The following PTPRD variants were observed in gnomAD, a reference collection of about 807,000 sequenced individuals.
The protein encoded by PTPRD is protein tyrosine phosphatase receptor type D, also known as receptor-type tyrosine-protein phosphatase delta.
PTPRD carries 34 observed loss-of-function variants against 214.5 expected under a neutral mutation model. The ratio of observed to expected loss-of-function variants is 0.16; its 90% CI spans 0.12 to 0.21. The LOEUF (loss-of-function observed/expected upper bound fraction) is 0.21, where lower values mean the gene tolerates loss of function less well. PTPRD is among the 10% of genes least tolerant of loss of function. PTPRD has a pLI of 1.00. For synonymous variants in PTPRD, 1,128 were observed against 845.7 expected (o/e 1.33, Z -5.79); for missense variants, 2,545 against 2,398.7 (o/e 1.06, Z -1.27).
chr9:8,677,808 G>C (rs1303732660), intron 12 of PTPRD, among the ~76,000 whole-genome samples: 3 of 152,056 alleles, frequency 2.0e-5, no homozygotes, highest in Non-Finnish European at 4.4e-5. Context: ...AACAGACCCA[G>C]GCACCACAAG....
chr9:8,443,388 T>C (rs778685503), intron 34 of PTPRD, among the ~76,000 whole-genome samples: 3 of 152,250 alleles, frequency 2.0e-5, no homozygotes. Flanking sequence ...ATAGTATTAA[T>C]AGATCAGAAG....
chr9:9,494,139 A>T (rs1343198420), intron 8 of PTPRD, among the ~76,000 whole-genome samples: 3 of 152,174 alleles, frequency 2.0e-5, no homozygotes, highest in Non-Finnish European at 4.4e-5. Flanking sequence ...TCATGATAAA[A>T]CTTGAATACA....
At chr9:8,766,964 G>C (rs1599134420) in intron 11 of PTPRD, among the ~76,000 whole-genome samples, 1 of 152,128 alleles carries the variant, frequency 6.6e-6, no homozygotes, top group African/African-American at 2.4e-5. Context: ...AATGTTAAGT[G>C]AGGACTTACT....
chr9:10,402,543 G>A (rs1285513629), intron 2 of PTPRD, among the ~76,000 whole-genome samples: 1 of 151,668 alleles, frequency 6.6e-6, no homozygotes, highest in Non-Finnish European at 1.5e-5. Context: ...AAAAGTCATA[G>A]TAAAATATCT....
chr9:8,512,308 T>A (rs2097698618), intron 21 of PTPRD, among the ~76,000 whole-genome samples: 1 of 152,032 alleles, frequency 6.6e-6, no homozygotes, highest in South Asian at 2.1e-4. Context: ...TACACAAGCA[T>A]CAGCACAAAT....
chr9:8,342,098 CT>C, intron 39 of PTPRD, 120 bp from the exon 40 acceptor site: 1 of 1,052,888 alleles, frequency 9.5e-7, no homozygotes, highest in Non-Finnish European at 1.3e-6. Flanking sequence ...ACTCAAATAG[CT>C]ATTGGGATGA....
chr9:9,103,596 G>A (rs547954346), intron 10 of PTPRD, among the ~76,000 whole-genome samples: 9 of 151,680 alleles, frequency 5.9e-5, no homozygotes, highest in East Asian at 1.9e-4. Context: ...CTTCTTTAGC[G>A]TATCCTTTGC....
intron 10 of PTPRD, among the ~76,000 whole-genome samples, chr9:9,042,195 C>G (rs561360067): frequency 6.6e-6 from 1 of 152,258 alleles, no homozygotes; most frequent in South Asian, 2.1e-4. Context: ...AGTCTGCAAC[C>G]AGAGCTTTAG....
chr9:8,733,720 A>G (rs1385174853), intron 12 of PTPRD, 60 bp downstream of exon 12: 5 of 1,523,524 alleles, frequency 3.3e-6, no homozygotes, highest in African/African-American at 1.4e-5. Context: ...CCTGGTGCCA[A>G]CTGCAAACAA....
chr9:9,736,711 T>G (rs112959844), intron 6 of PTPRD, among the ~76,000 whole-genome samples: 93 of 152,210 alleles, frequency 6.1e-4, no homozygotes, highest in African/African-American at 2.1e-3. Flanking sequence ...CATTTTCATA[T>G]GTTTATTAGT....
intron 2 of PTPRD, among the ~76,000 whole-genome samples, chr9:10,527,084 T>G (rs572794838): frequency 6.6e-6 from 1 of 152,132 alleles, no homozygotes; most frequent in Non-Finnish European, 1.5e-5. Context: ...TTCAGAGTAA[T>G]AAATTAGACA....
At chr9:10,330,878 T>C (rs1444048758) in intron 3 of PTPRD, among the ~76,000 whole-genome samples, 1 of 151,846 alleles carries the variant, frequency 6.6e-6, no homozygotes, top group African/African-American at 2.4e-5. Context: ...TGTGGCTCAC[T>C]GGTAAAGTTA....
At chr9:8,322,881 T>G (rs1829841367) in intron 44 of PTPRD, among the ~76,000 whole-genome samples, 1 of 152,200 alleles carries the variant, frequency 6.6e-6, no homozygotes, top group Non-Finnish European at 1.5e-5. Flanking sequence ...CTCATGCAGC[T>G]GGTGACATTA....
chr9:9,743,717 A>G (rs1425261689), intron 6 of PTPRD, among the ~76,000 whole-genome samples: 2 of 132,586 alleles, frequency 1.5e-5, no homozygotes, highest in African/African-American at 5.8e-5. Flanking sequence ...TCTTCATAGC[A>G]AAAACTCAGT....
chr9:9,362,613 G>T (rs2056583857), intron 9 of PTPRD, among the ~76,000 whole-genome samples: 1 of 151,114 alleles, frequency 6.6e-6, no homozygotes, highest in South Asian at 2.1e-4. Context: ...CATACTCTCT[G>T]TTCTTGAAAT....
chr9:9,372,830 T>G (rs536412387), intron 9 of PTPRD, among the ~76,000 whole-genome samples: 1 of 152,200 alleles, frequency 6.6e-6, no homozygotes, highest in Non-Finnish European at 1.5e-5. Context: ...TCTCTCAGCA[T>G]TTGCTTGTTT....
At chr9:8,615,376 T>C (rs1217691522) in intron 14 of PTPRD, among the ~76,000 whole-genome samples, 1 of 152,114 alleles carries the variant, frequency 6.6e-6, no homozygotes, top group East Asian at 1.9e-4. Context: ...TCAAGTGTGC[T>C]TACTTTGAGA....
At chr9:8,990,427 G>A (rs2099361884) in intron 11 of PTPRD, among the ~76,000 whole-genome samples, 1 of 152,104 alleles carries the variant, frequency 6.6e-6, no homozygotes, top group Admixed American at 6.6e-5. Flanking sequence ...CAACTGTGTA[G>A]GTAGCACATA....
chr9:8,447,668 T>C (rs112318542), intron 34 of PTPRD, among the ~76,000 whole-genome samples: 394 of 152,326 alleles, frequency 2.6e-3, no homozygotes, highest in African/African-American at 9.1e-3. Flanking sequence ...AAACATTTTC[T>C]GTTGGTGCGA....
Sources: gnomAD v4.1 joint callset for allele counts (sites outside exome capture counted in the v4.1 genomes callset) on GRCh38, gnomAD v4.1.1 for gene constraint, MANE v1.5 for transcripts, NCBI Gene and HGNC (gene_info 2026-07-23, HGNC 2026-07-21) for gene names.